The following LDB2 variants were observed in gnomAD, a reference collection of about 807,000 sequenced individuals.
The protein encoded by LDB2 is LIM domain binding 2.
In LDB2, 12 loss-of-function variants were observed where a neutral mutation model predicts 44.3. The ratio of observed to expected loss-of-function variants is 0.27; its 90% CI spans 0.17 to 0.44. The LOEUF is 0.44. LDB2 is among the 20% of genes least tolerant of loss of function. The pLI is 1.00. For missense variants in LDB2, 344 were observed against 473.5 expected, an observed-to-expected ratio of 0.73 and a Z score of 2.54; for synonymous variants, 164 against 174.8, an observed-to-expected ratio of 0.94 and a Z score of 0.49.
chr4:16,567,731 C>T (rs1370523604), intron 5 of LDB2, among the ~76,000 whole-genome samples: 2 of 152,176 alleles, frequency 1.3e-5, no homozygotes, highest in Non-Finnish European at 2.9e-5. Flanking sequence ...GATCGTGCCA[C>T]TGCACTCCAG....
chr4:16,562,026 C>G (rs528694701), intron 5 of LDB2, among the ~76,000 whole-genome samples: 1 of 152,172 alleles, frequency 6.6e-6, no homozygotes, highest in Non-Finnish European at 1.5e-5. Flanking sequence ...ATGTAGAAAG[C>G]TGAAACTGGA....
intron 1 of LDB2, among the ~76,000 whole-genome samples, chr4:16,895,120 T>TAA (rs71181199): frequency 0.14 from 16,877 of 124,406 alleles, 1,175 homozygotes; most frequent in Admixed American, 0.16. Context: ...TTTTTCATGC[T>TAA]AAAAAAAAAA....
chr4:16,628,743 G>A (rs1731021567), intron 2 of LDB2, among the ~76,000 whole-genome samples: 1 of 152,146 alleles, frequency 6.6e-6, no homozygotes, highest in African/African-American at 2.4e-5. Flanking sequence ...TCATCTCACT[G>A]GGACTGGTTG....
chr4:16,529,668 A>G (rs1348493833), intron 5 of LDB2, among the ~76,000 whole-genome samples: 2 of 152,030 alleles, frequency 1.3e-5, no homozygotes, highest in Non-Finnish European at 1.5e-5. Flanking sequence ...CTCGTGTCCT[A>G]TCTCATTGTT....
intron 2 of LDB2, among the ~76,000 whole-genome samples, chr4:16,627,858 C>T (rs1730713657): frequency 6.6e-6 from 1 of 152,210 alleles, no homozygotes; most frequent in Non-Finnish European, 1.5e-5. Flanking sequence ...AGCACATATT[C>T]CACTGAGGGG....
At chr4:16,745,805 G>C (rs1251349175) in intron 2 of LDB2, among the ~76,000 whole-genome samples, 1 of 151,788 alleles carries the variant, frequency 6.6e-6, no homozygotes, top group East Asian at 1.9e-4. Flanking sequence ...CAAATGAGGA[G>C]AGAAGGAGGT....
At chr4:16,751,571 T>C (rs1765507566) in intron 2 of LDB2, among the ~76,000 whole-genome samples, 1 of 152,244 alleles carries the variant, frequency 6.6e-6, no homozygotes, top group Non-Finnish European at 1.5e-5. Flanking sequence ...CTCTCAAGTA[T>C]TTTTATGACT....
chr4:16,721,663 G>A (rs1312756895), intron 2 of LDB2, among the ~76,000 whole-genome samples: 1 of 152,130 alleles, frequency 6.6e-6, no homozygotes, highest in African/African-American at 2.4e-5. Context: ...AGTGTCAGCA[G>A]ATGAAAAGTA....
intron 2 of LDB2, among the ~76,000 whole-genome samples, chr4:16,674,847 G>T (rs1261454539): frequency 6.6e-6 from 1 of 151,930 alleles, no homozygotes; most frequent in Non-Finnish European, 1.5e-5. Context: ...CTCTTCTTCG[G>T]TGAATTTCCC....
chr4:16,717,649 T>A (rs56150726), intron 2 of LDB2, among the ~76,000 whole-genome samples: 3,658 of 152,256 alleles, frequency 0.024, 60 homozygotes, highest in Non-Finnish European at 0.036. Context: ...GAACAATGAA[T>A]CCATATGATA....
At chr4:16,642,952 G>A (rs556149090) in intron 2 of LDB2, among the ~76,000 whole-genome samples, 1 of 152,152 alleles carries the variant, frequency 6.6e-6, no homozygotes, top group South Asian at 2.1e-4. Context: ...TTTCTTTTTA[G>A]GGAATGAGTA....
In LDB2 at chr4:16,898,443, C is replaced by T; in HGVS notation, c.43G>A (p.Gly15Ser). The stretch of plus-strand genomic sequence containing the variant: ...GGTGTATGCCTCCTATAAAATGGGC[C>T]GAAAGGAGAAGAATAGAAGGGGTCA... Reference protein sequence around the residue: ...PHDPFYSSPFGPFYRRHTPYM... With the variant: ...PHDPFYSSPFSPFYRRHTPYM... Residue 15 changes from glycine (G) to serine (S), a missense_variant, in exon 1 of 8, where the codon GGC becomes AGC. By Grantham distance (56) the Gly-to-Ser change is moderately conservative (BLOSUM62 0). Transcript: ENST00000304523. 4 of 1,613,620 alleles carry T rather than the reference C, an allele frequency of 2.5e-6. No homozygotes were observed. Among genetic ancestry groups the T allele is most frequent in the Non-Finnish European group, 3.4e-6 (4 of 1,179,894 alleles).
chr4:16,627,322 G>T (rs114962969), intron 2 of LDB2, among the ~76,000 whole-genome samples: 1 of 152,250 alleles, frequency 6.6e-6, no homozygotes, highest in African/African-American at 2.4e-5. Context: ...GGAGCAGTGT[G>T]CTTCTGTTCT....
rs1308233682 is a variant in LDB2 at position 16,639,787 on chromosome 4, CCT to C, written c.236-43914_236-43913del. ...ATTTTGTAATTATTGAAATGTAGCC[CCT>C]GTTTTGCATTAAATTCATTCCTTCA... On this transcript the variant is annotated intron_variant, in intron 2 of 7. Transcript: ENST00000304523. Among the ~76,000 whole-genome samples the C allele has an allele frequency of 3.9e-5, 6 of 152,192 alleles. 1 individual carries two copies. The highest frequency in any genetic ancestry group is 1.9e-4 in the East Asian group (1 of 5,174).
rs144504547 is a variant in LDB2, at chr4:16,663,458, C to CT, written c.236-67584dup. ...AAAGTTGGCTCCAGCACACCACTGC[C>CT]TGACTTTTTCAACCCAAGAGTTCAT... On this transcript the variant is annotated intron_variant, in intron 2 of 7. Transcript: ENST00000304523. 3.6e-3 allele frequency among the ~76,000 whole-genome samples: 543 copies of CT among 152,264 alleles called. 6 individuals are homozygous for CT. The highest frequency in any genetic ancestry group is 0.013 in the African/African-American group (524 of 41,566).
At chr4:16,552,652 G>A (rs747397750) in intron 5 of LDB2, among the ~76,000 whole-genome samples, 6 of 152,052 alleles carry the variant, frequency 3.9e-5, no homozygotes, top group East Asian at 1.9e-4. Context: ...CAAAGTTCCC[G>A]GAAGCTGACT....
intron 1 of LDB2, among the ~76,000 whole-genome samples, chr4:16,835,134 C>T (rs1054625753): frequency 5.3e-5 from 8 of 152,140 alleles, no homozygotes; most frequent in Non-Finnish European, 1.0e-4. Context: ...GCCTTAATTT[C>T]ATAAATCAAG....
intron 1 of LDB2, among the ~76,000 whole-genome samples, chr4:16,893,310 G>T (rs1206029634): frequency 1.4e-5 from 2 of 147,952 alleles, no homozygotes; most frequent in African/African-American, 5.0e-5. Flanking sequence ...TAAATTTCTA[G>T]GGGGGAGAAA....
intron 2 of LDB2, among the ~76,000 whole-genome samples, chr4:16,746,275 T>C (rs568037354): frequency 7.2e-4 from 109 of 152,358 alleles, no homozygotes; most frequent in Non-Finnish European, 1.4e-3. Context: ...TAAGTCATTA[T>C]TGAACATATT....
Sources: gnomAD v4.1 joint callset for allele counts (sites outside exome capture counted in the v4.1 genomes callset) on GRCh38, gnomAD v4.1.1 for gene constraint, MANE v1.5 for transcripts, NCBI Gene and HGNC (gene_info 2026-07-23, HGNC 2026-07-21) for gene names.